Variants in ZNF687 observed in about 807,000 individuals in gnomAD.
ZNF687 encodes the protein zinc finger protein 687.
ZNF687 carries 13 observed loss-of-function variants against 71.8 expected under a neutral mutation model. The observed-to-expected ratio is 0.18, with a 90% CI of 0.12 to 0.29. The LOEUF is 0.29. Ranked by LOEUF, ZNF687 falls within the 10% of genes least tolerant of loss-of-function variation. ZNF687 has a pLI of 1.00. For missense variants in ZNF687, 1,412 were observed against 1,625.6 expected, an observed-to-expected ratio of 0.87 and a Z score of 2.26; for synonymous variants, 673 against 641.6, an observed-to-expected ratio of 1.05 and a Z score of -0.74.
Position 151,287,573 on chromosome 1 carries a change from G to T in ZNF687, c.1282G>T (p.Gly428Trp). ...SVARKAVVLP[G>W]GTATSPKMIA... is the part of the protein sequence containing the mutation. ...GGCTCGCAAGGCTGTGGTGCTGCCT[G>T]GGGGGACTGCCACCAGCCCTAAGAT... is the stretch of plus-strand genomic sequence containing the variant. The change falls in exon 2 of 9, where the codon GGG becomes TGG. Residue 428 changes from glycine to tryptophan, a missense_variant. Transcript: ENST00000336715. The surrounding 1 kb of genome is among the most constrained non-coding windows in gnomAD (Gnocchi z 5.0). 6.2e-7 allele frequency: 1 copy of T among 1,613,922 alleles called. No homozygotes were observed. Among genetic ancestry groups the T allele is most frequent in the Non-Finnish European group, 8.5e-7 (1 of 1,179,998 alleles).
rs746973050 is a variant in ZNF687 at position 151,287,056 on chromosome 1, C to T, written c.765C>T (p.Pro255=). ...ATDIPASASP[P]PVAGVPFFKQ... ...ACATCCCTGCCAGTGCCTCGCCTCC[C>T]CCAGTTGCTGGGGTGCCCTTCTTCA... is the stretch of plus-strand genomic sequence containing the variant. The change falls in exon 2 of 9, where the codon CCC becomes CCT. Residue 255 remains proline, a synonymous_variant. Transcript: ENST00000336715. This position sits in a 1 kb window ranked among gnomAD's most constrained non-coding sequence, Gnocchi z 5.0. 3.7e-6 allele frequency: 6 copies of T among 1,611,170 alleles called. No homozygotes were observed. In the South Asian group the frequency reaches 6.6e-5, roughly 18 times the overall value.
chr1:151,283,164 C>A, intron 1 of ZNF687: 3 of 985,446 alleles, frequency 3.0e-6, no homozygotes, highest in Non-Finnish European at 2.4e-6. Flanking sequence ...CATGTGTACA[C>A]CCCGCCCCCT....
Position 151,290,190 on chromosome 1 carries a change from T to C in ZNF687, c.3033T>C (p.His1011=), listed in dbSNP as rs181339557. The C allele has an allele frequency of 8.1e-6, 13 of 1,614,062 alleles. No individual in the cohort carries two copies. The African/African-American group carries it at 1.5e-4, about 18-fold the overall frequency. Residue 1011 remains histidine (H), a synonymous_variant, in exon 7 of 9, where the codon CAT becomes CAC. Coordinates refer to ENST00000336715, the MANE Select transcript of ZNF687 (RefSeq NM_020832.3). ...GCTCCGCCCCCAGCCTGAGGCGCCA[T>C]GTCAGAGTTAATCACGAGGGCATCA... ...SFCSAPSLRR[H]VRVNHEGIKR...
upstream of ZNF687, chr1:151,281,887 G>A: frequency 1.7e-6 from 1 of 590,392 alleles, no homozygotes; most frequent in Non-Finnish European, 2.6e-6. Context: ...TTACATTCGC[G>A]AAAGTGAACT....
In ZNF687 at chr1:151,286,535, G is replaced by A. The variant is rs748509008; in HGVS notation, c.244G>A (p.Val82Ile). 2 of 1,614,210 alleles carry A rather than the reference G, an allele frequency of 1.2e-6. No homozygotes were observed. Among genetic ancestry groups the A allele is most frequent in the Non-Finnish European group, 1.7e-6 (2 of 1,180,036 alleles). The change falls in exon 2 of 9, where the codon GTC becomes ATC. Residue 82 changes from valine to isoleucine, a missense_variant. Around this residue, in one of 8 missense-constraint regions of ZNF687, gnomAD observed 490 missense variants for 489.9 expected, o/e 1.00. Coordinates refer to ENST00000336715, the MANE Select transcript of ZNF687 (RefSeq NM_020832.3). Reference protein sequence around the residue: ...HGLPPPDISVVSVIVKNTVCP... With the variant: ...HGLPPPDISVISVIVKNTVCP... ...CCTGCCACCGCCAGACATTTCTGTA[G>A]TCAGTGTCATTGTCAAGAACACTGT...
chr1:151,290,466 C>T lies in ZNF687; in HGVS notation c.3112C>T (p.Arg1038Cys), dbSNP rs141578630. 7.4e-6 allele frequency: 12 copies of T among 1,614,010 alleles called. No homozygotes were observed. Among genetic ancestry groups the T allele is most frequent in the South Asian group, 1.1e-5 (1 of 91,082 alleles). The change falls in exon 8 of 9, where the codon CGC becomes TGC. Residue 1038 changes from arginine to cysteine, a missense_variant. Arg to Cys is a radical substitution (Grantham distance 180). Coordinates refer to ENST00000336715, the MANE Select transcript of ZNF687 (RefSeq NM_020832.3). ...CTEGKRTFSS[R>C]LILEKHVQVR... The stretch of plus-strand genomic sequence containing the variant: ...AGAGGGAAAACGCACCTTCAGCAGC[C>T]GCCTGATCCTAGAGAAACATGTCCA...
chr1:151,289,766 T>C lies in ZNF687; in HGVS notation c.2723T>C (p.Leu908Pro). The C allele has an allele frequency of 1.3e-6, 2 of 1,560,492 alleles. No individual in the cohort carries two copies. Among genetic ancestry groups the C allele is most frequent in the Non-Finnish European group, 1.7e-6 (2 of 1,151,722 alleles). ...ACCCCCAAGACTGAGCCTGAGGAGCTGGCTGTTTCTCAGGGAGGGGCAGCC... is the reference window on the plus strand; with the variant it reads ...ACCCCCAAGACTGAGCCTGAGGAGCCGGCTGTTTCTCAGGGAGGGGCAGCC... ...LLTPKTEPEE[L>P]AVSQGGAAPA... The change falls in exon 6 of 9, where the codon CTG (leucine) becomes CCG (proline). Residue 908 changes from leucine to proline, a missense_variant. Around this residue, in one of 8 missense-constraint regions of ZNF687, gnomAD observed 135 missense variants for 104.1 expected, o/e 1.30. Coordinates refer to ENST00000336715, the MANE Select transcript of ZNF687 (RefSeq NM_020832.3).
In ZNF687 at chr1:151,288,128, A is replaced by G. The variant is rs1694034508; in HGVS notation, c.1837A>G (p.Ile613Val). 3 of 1,613,778 alleles carry G rather than the reference A, an allele frequency of 1.9e-6. No individual in the cohort carries two copies. The highest frequency in any genetic ancestry group is 8.5e-7 in the Non-Finnish European group (1 of 1,180,028). The change falls in exon 2 of 9, where the codon ATC becomes GTC. Residue 613 changes from isoleucine (I) to valine (V), a missense_variant. Ile to Val is a conservative substitution (Grantham distance 29). Coordinates refer to ENST00000336715, the MANE Select transcript of ZNF687 (RefSeq NM_020832.3). ...TGACCAGATGGTGGGGCAGCCGGACATCACACCGCTGCTGCCTGTAGCTGT... is the reference window on the plus strand; with the variant it reads ...TGACCAGATGGTGGGGCAGCCGGACGTCACACCGCTGCTGCCTGTAGCTGT... Reference protein sequence around the residue: ...ALDQMVGQPDITPLLPVAVPP... With the variant: ...ALDQMVGQPDVTPLLPVAVPP...
Position 151,290,421 on chromosome 1 carries a change from TC to T in ZNF687, c.3078-8del, listed in dbSNP as rs1557774791. On this transcript the variant is annotated splice_polypyrimidine_tract_variant and intron_variant, in intron 7 of 8. Transcript: ENST00000336715. ...GTGCCGCTGCTGCCATCCTGTCCTCTCCCATTTCAGGTATTGCACAGAGGGA... is the reference window on the plus strand; with the variant it reads ...GTGCCGCTGCTGCCATCCTGTCCTCTCCATTTCAGGTATTGCACAGAGGGA... The T allele has an allele frequency of 2.5e-6, 4 of 1,613,800 alleles. No individual in the cohort carries two copies. Among genetic ancestry groups the T allele is most frequent in the Non-Finnish European group, 3.4e-6 (4 of 1,180,008 alleles).
rs778496281 is a variant in ZNF687 at position 151,287,553 on chromosome 1, G to A, written c.1262G>A (p.Arg421His). ...ATGCTGATGGCAGCCAGTGTGGCTC[G>A]CAAGGCTGTGGTGCTGCCTGGGGGG... is the stretch of plus-strand genomic sequence containing the variant. ...TAMLMAASVA[R>H]KAVVLPGGTA... The change falls in exon 2 of 9, where the codon CGC becomes CAC. Residue 421 changes from arginine to histidine, a missense_variant. Coordinates refer to ENST00000336715, the MANE Select transcript of ZNF687 (RefSeq NM_020832.3). This position sits in a 1 kb window ranked among gnomAD's most constrained non-coding sequence, Gnocchi z 5.0. The A allele has an allele frequency of 1.9e-5, 31 of 1,613,506 alleles. No individual in the cohort carries two copies. Among genetic ancestry groups the A allele is most frequent in the South Asian group, 5.5e-5 (5 of 91,088 alleles).
upstream of ZNF687, chr1:151,282,062 C>A (rs917620276): frequency 3.3e-5 from 42 of 1,284,524 alleles, no homozygotes; most frequent in Non-Finnish European, 3.9e-5. Flanking sequence ...CGGACCCCGG[C>A]GCAGCCAATG....
chr1:151,290,243 T>C lies in ZNF687; in HGVS notation c.3077+9T>C. On this transcript the variant is annotated intron_variant, in intron 7 of 8. Coordinates refer to ENST00000336715, the MANE Select transcript of ZNF687 (RefSeq NM_020832.3). The stretch of plus-strand genomic sequence containing the variant: ...CGAGTTTACCCCTGCAGGTAAGTCT[T>C]GCTCCCCGCTTCCTCTTCCTGCCCA... 6.2e-7 allele frequency: 1 copy of C among 1,613,658 alleles called. No individual in the cohort carries two copies. Among genetic ancestry groups the C allele is most frequent in the Non-Finnish European group, 8.5e-7 (1 of 1,179,838 alleles).
At chr1:151,290,396 G>A in intron 7 of ZNF687, 36 bp from the exon 8 acceptor site, 2 of 1,613,530 alleles carry the variant, frequency 1.2e-6, no homozygotes, top group African/African-American at 1.3e-5. Flanking sequence ...CCTTCGGGCT[G>A]TGCCGCTGCT....
At position 151,291,326 on chromosome 1, in the gene ZNF687, T is replaced by C; in HGVS notation, c.*117T>C. 1 of 1,295,070 alleles carries C rather than the reference T, an allele frequency of 7.7e-7. No homozygotes were observed. The highest frequency in any genetic ancestry group is 1.5e-5 in the South Asian group (1 of 65,740). The allele number at this position is 1,295,070 out of a possible 1,614,324, so 80.2% of individuals were successfully genotyped here. On this transcript the variant is annotated 3_prime_UTR_variant, in exon 9 of 9. Transcript: ENST00000336715. ...CATTAATATTTTGTTAATTCCTGTC[T>C]CTCCAACCTGAAGAAGAAGAGCATT...
chr1:151,288,113 G>T lies in ZNF687; in HGVS notation c.1822G>T (p.Val608Leu), dbSNP rs1694033024. 6.2e-7 allele frequency: 1 copy of T among 1,613,836 alleles called. No homozygotes were observed. Among genetic ancestry groups the T allele is most frequent in the African/African-American group, 1.3e-5 (1 of 74,932 alleles). The change falls in exon 2 of 9, where the codon GTG becomes TTG. Residue 608 changes from valine to leucine, a missense_variant. Transcript: ENST00000336715. The stretch of plus-strand genomic sequence containing the variant: ...GAGGCCTGTAGCCCTTGACCAGATG[G>T]TGGGGCAGCCGGACATCACACCGCT... ...VMRPVALDQM[V>L]GQPDITPLLP...
chr1:151,289,380 T>C lies in ZNF687; in HGVS notation c.2474T>C (p.Leu825Pro), dbSNP rs1694097471. 1 of 1,614,038 alleles carries C rather than the reference T, an allele frequency of 6.2e-7. No individual in the cohort carries two copies. ...TGTCTGCACTGTCCTCACTTCAGGC[T>C]GATCTACAAGTGCGCCATGTGCGAC... Reference protein sequence around the residue: ...HPSFQTQQAKLIYKCAMCDTV... With the variant: ...HPSFQTQQAKPIYKCAMCDTV... The change falls in exon 5 of 9, where the codon CTG becomes CCG. Residue 825 changes from leucine (L) to proline (P), a missense_variant and splice_region_variant. By Grantham distance (98) the Leu-to-Pro change is moderately conservative. Around this residue, in one of 8 missense-constraint regions of ZNF687, gnomAD observed 106 missense variants for 146.0 expected, o/e 0.73. Transcript: ENST00000336715.
At position 151,290,496 on chromosome 1, in the gene ZNF687, C is replaced by A. The variant is rs777180312; in HGVS notation, c.3142C>A (p.Arg1048=). 1 of 1,613,978 alleles carries A rather than the reference C, an allele frequency of 6.2e-7. No homozygotes were observed. The highest frequency in any genetic ancestry group is 2.2e-5 in the East Asian group (1 of 44,882). Residue 1048 remains arginine, a synonymous_variant, in exon 8 of 9, where the codon CGG becomes AGG. Coordinates refer to ENST00000336715, the MANE Select transcript of ZNF687 (RefSeq NM_020832.3). The stretch of plus-strand genomic sequence containing the variant: ...GATCCTAGAGAAACATGTCCAGGTC[C>A]GGCACGGCTTGCAGCTTGGGGCCCA... ...RLILEKHVQV[R]HGLQLGAQSP...
In ZNF687 at chr1:151,288,055, G is replaced by C. The variant is rs781526460; in HGVS notation, c.1764G>C (p.Lys588Asn). The C allele has an allele frequency of 4.3e-6, 7 of 1,613,956 alleles. No homozygotes were observed. In the African/African-American group the frequency reaches 5.3e-5, roughly 12 times the overall value. The change falls in exon 2 of 9, where the codon AAG (lysine) becomes AAC (asparagine). Residue 588 changes from lysine (K) to asparagine (N), a missense_variant. Lys to Asn is a moderately conservative substitution (Grantham distance 94, BLOSUM62 0). Transcript: ENST00000336715. ...LLLHAREHKD[K>N]GLVMQCSHLV... is the part of the protein sequence containing the mutation. ...TGCATGCACGTGAACACAAGGACAA[G>C]GGGCTCGTCATGCAGTGCTCACATT...
rs1693998615 is a variant in ZNF687 at position 151,287,390 on chromosome 1, G to C, written c.1099G>C (p.Glu367Gln). The part of the protein sequence containing the change: ...APLAEGAFLA[E>Q]ASLLKLSPAT... ...CTTGGCTGAGGGGGCCTTCTTGGCTGAGGCTAGCCTCTTGAAGCTGTCCCC... is the reference window on the plus strand; with the variant it reads ...CTTGGCTGAGGGGGCCTTCTTGGCTCAGGCTAGCCTCTTGAAGCTGTCCCC... Residue 367 changes from glutamate (E) to glutamine (Q), a missense_variant, in exon 2 of 9, where the codon GAG becomes CAG. This residue lies in a region of ZNF687 where 490 missense variants were observed against 489.9 expected (regional missense o/e 1.00). Transcript: ENST00000336715. The surrounding 1 kb of genome is among the most constrained non-coding windows in gnomAD (Gnocchi z 5.0). The C allele has an allele frequency of 6.2e-7, 1 of 1,614,100 alleles. No individual in the cohort carries two copies. The highest frequency in any genetic ancestry group is 1.3e-5 in the African/African-American group (1 of 74,946).
Sources: gnomAD v4.1 joint callset for allele counts on GRCh38, gnomAD v4.1.1 for gene constraint, gnomAD v4.1.1 regional missense constraint, Gnocchi (gnomAD v3.1) non-coding constraint, MANE v1.5 for transcripts, NCBI Gene and HGNC (gene_info 2026-07-23, HGNC 2026-07-21) for gene names.